The following CRKL variants were observed in gnomAD, a reference collection of about 807,000 sequenced individuals.
The protein encoded by CRKL is CRK like proto-oncogene, adaptor protein, also known as crk-like protein.
A neutral mutation model predicts 23.0 loss-of-function variants in CRKL; 3 were observed. The observed-to-expected ratio is 0.13, with a 90% CI of 0.06 to 0.34. The LOEUF is 0.34. Ranked by LOEUF, CRKL falls within the 10% of genes least tolerant of loss-of-function variation. The pLI is 1.00. For synonymous variants in CRKL, 188 were observed against 160.7 expected (o/e 1.17, Z -1.28); for missense variants, 256 against 394.5 (o/e 0.65, Z 2.97).
chr22:20,952,030 A>T lies in CRKL; in HGVS notation c.*2185A>T. On this transcript the variant is annotated 3_prime_UTR_variant, in exon 3 of 3. Coordinates refer to ENST00000354336, the MANE Select transcript of CRKL (RefSeq NM_005207.4). ...GCAGACATATCACAAGAGTCCCCAG[A>T]CTCTGCCTAGAAACAGTGTTTGCCC... 1 of 225,236 alleles carries T rather than the reference A, an allele frequency of 4.4e-6. No homozygotes were observed. The highest frequency in any genetic ancestry group is 8.8e-6 in the Non-Finnish European group (1 of 113,248). The allele number at this position is 225,236 out of a possible 1,614,324, so 14.0% of individuals were successfully genotyped here.
At chr22:20,923,143 G>A (rs936882135) in intron 1 of CRKL, among the ~76,000 whole-genome samples, 2 of 152,112 alleles carry the variant, frequency 1.3e-5, no homozygotes, top group Non-Finnish European at 2.9e-5. Context: ...AAAAACTAAA[G>A]GAAGTTGGCC....
At chr22:20,929,467 T>A (rs566335478) in intron 1 of CRKL, among the ~76,000 whole-genome samples, 182 of 149,776 alleles carry the variant, frequency 1.2e-3, no homozygotes, top group African/African-American at 4.3e-3. Flanking sequence ...ACCTGCCTTA[T>A]CTATTTAATT....
At chr22:20,942,289 G>A (rs1258642159) in intron 2 of CRKL, among the ~76,000 whole-genome samples, 1 of 152,178 alleles carries the variant, frequency 6.6e-6, no homozygotes, top group Non-Finnish European at 1.5e-5. Context: ...ACTCACACCT[G>A]TAATCCCAGT....
chr22:20,937,213 C>T (rs1055746924), intron 2 of CRKL, among the ~76,000 whole-genome samples: 10 of 152,188 alleles, frequency 6.6e-5, no homozygotes, highest in African/African-American at 2.4e-4. Context: ...TGCCTCTGGC[C>T]TGGTCTATGC....
At chr22:20,935,879 G>A (rs997944346) in intron 2 of CRKL, among the ~76,000 whole-genome samples, 12 of 151,952 alleles carry the variant, frequency 7.9e-5, no homozygotes, top group Non-Finnish European at 1.6e-4. Flanking sequence ...TCTCAGCTGG[G>A]CACAGTGGCT....
intron 1 of CRKL, among the ~76,000 whole-genome samples, chr22:20,920,346 C>A (rs1437835584): frequency 6.6e-6 from 1 of 151,912 alleles, no homozygotes; most frequent in Non-Finnish European, 1.5e-5. Context: ...GCTAAAAATA[C>A]AAAAAATTAG....
chr22:20,928,020 AGTAGTGGGGCCCT>A lies in CRKL; in HGVS notation c.312-5755_312-5743del, dbSNP rs374598357. Among the ~76,000 whole-genome samples, 808 of 151,894 alleles carry A rather than the reference AGTAGTGGGGCCCT, an allele frequency of 5.3e-3. 7 individuals are homozygous for A. Among genetic ancestry groups the A allele is most frequent in the African/African-American group, 0.019 (771 of 41,428 alleles). On this transcript the variant is annotated intron_variant, in intron 1 of 2. Coordinates refer to ENST00000354336, the MANE Select transcript of CRKL (RefSeq NM_005207.4). ...GTTAAAAATACAAAATTAGCCCGGC[AGTAGTGGGGCCCT>A]GTAATCCCAGCTACTGGGGAGGCTT...
intron 2 of CRKL, among the ~76,000 whole-genome samples, chr22:20,948,980 T>TACAC (rs1301332980): frequency 6.6e-6 from 1 of 152,204 alleles, no homozygotes; most frequent in East Asian, 1.9e-4. Context: ...TTTTTTAAAA[T>TACAC]ACACCTTTTT....
chr22:20,952,218 C>T lies in CRKL; in HGVS notation c.*2373C>T. On this transcript the variant is annotated 3_prime_UTR_variant, in exon 3 of 3. Coordinates refer to ENST00000354336, the MANE Select transcript of CRKL (RefSeq NM_005207.4). ...CACCTTTGAATTACAGCAGTTGACT[C>T]AGAGTGCAAGAAGTCTGGCCATTTT... 4.3e-6 allele frequency: 1 copy of T among 230,344 alleles called. No individual in the cohort carries two copies. The highest frequency in any genetic ancestry group is 8.6e-6 in the Non-Finnish European group (1 of 116,272). 14.3% of individuals were successfully genotyped at this position (230,344 alleles called of 1,614,324 possible).
intron 1 of CRKL, among the ~76,000 whole-genome samples, chr22:20,928,664 T>G (rs1471694517): frequency 2.0e-5 from 3 of 150,782 alleles, no homozygotes; most frequent in Admixed American, 2.0e-4. Context: ...AATACAAAAA[T>G]TAATCGGATG....
intron 1 of CRKL, among the ~76,000 whole-genome samples, chr22:20,921,829 C>T (rs1165203287): frequency 6.6e-6 from 1 of 151,868 alleles, no homozygotes; most frequent in Non-Finnish European, 1.5e-5. Context: ...CTGCCTCAGC[C>T]TCCCGAGTAG....
In CRKL at chr22:20,933,789, C is replaced by G. The variant is rs755863490; in HGVS notation, c.322C>G (p.Pro108Ala). The change falls in exon 2 of 3, where the codon CCA becomes GCA. Residue 108 changes from proline to alanine, a missense_variant. Pro to Ala is a conservative substitution (Grantham distance 27). Around this residue, in one of 3 missense-constraint regions of CRKL, gnomAD observed 42 missense variants for 32.7 expected, o/e 1.29. Coordinates refer to ENST00000354336, the MANE Select transcript of CRKL (RefSeq NM_005207.4). ...TCTTTCTCTCTTAAGGTATCCAAGCCCACCAATGGGATCTGTCTCAGCACC... is the reference window on the plus strand; with the variant it reads ...TCTTTCTCTCTTAAGGTATCCAAGCGCACCAATGGGATCTGTCTCAGCACC... Reference protein sequence around the residue: ...LIEPAPRYPSPPMGSVSAPNL... With the variant: ...LIEPAPRYPSAPMGSVSAPNL... 6.2e-7 allele frequency: 1 copy of G among 1,611,312 alleles called. No individual in the cohort carries two copies. Among genetic ancestry groups the G allele is most frequent in the South Asian group, 1.1e-5 (1 of 90,906 alleles).
intron 2 of CRKL, among the ~76,000 whole-genome samples, chr22:20,936,351 GT>G (rs991402170): frequency 1.3e-5 from 2 of 151,864 alleles, no homozygotes; most frequent in Admixed American, 6.6e-5. Flanking sequence ...TTTTGTTTTT[GT>G]TTTGTTTTGT....
In CRKL at chr22:20,950,410, GTTTGT is replaced by G. The variant is rs567863750; in HGVS notation, c.*579_*583del. ...TGGGGGTTTTTTTTTGTTTTGTTTT[GTTTGT>G]TTTGTTTTGTTTTTTTGAGACGGTG... On this transcript the variant is annotated 3_prime_UTR_variant, in exon 3 of 3. Coordinates refer to ENST00000354336, the MANE Select transcript of CRKL (RefSeq NM_005207.4). The G allele has an allele frequency of 4.4e-5, 10 of 229,092 alleles. No individual in the cohort carries two copies. In the South Asian group the frequency reaches 1.1e-3, roughly 26 times the overall value. The allele number at this position is 229,092 out of a possible 1,614,324, so 14.2% of individuals were successfully genotyped here.
At chr22:20,931,378 C>T (rs1346504389) in intron 1 of CRKL, among the ~76,000 whole-genome samples, 4 of 152,050 alleles carry the variant, frequency 2.6e-5, no homozygotes, top group African/African-American at 9.7e-5. Context: ...CTCTGCACTC[C>T]AGCCAGGATG....
chr22:20,940,771 TTTGAA>T (rs1472526900), intron 2 of CRKL, among the ~76,000 whole-genome samples: 1 of 152,116 alleles, frequency 6.6e-6, no homozygotes, highest in Non-Finnish European at 1.5e-5. Flanking sequence ...CTCTGTGTCT[TTTGAA>T]TTGGCCTTCC....
chr22:20,927,842 C>CAGAA (rs1921284309), intron 1 of CRKL, among the ~76,000 whole-genome samples: 1 of 56,240 alleles, frequency 1.8e-5, no homozygotes, highest in Admixed American at 2.4e-4. Flanking sequence ...GACTCTGTCT[C>CAGAA]AAAAAAAAAA....
At chr22:20,920,426 C>T (rs1010636176) in intron 1 of CRKL, among the ~76,000 whole-genome samples, 6 of 151,666 alleles carry the variant, frequency 4.0e-5, no homozygotes, top group East Asian at 3.9e-4. Context: ...CGCTCGAACC[C>T]GGGAGGCGGA....
rs1922360320 is a variant in CRKL, at chr22:20,953,675, A to G, written c.*3830A>G. 1 of 196,690 alleles carries G rather than the reference A, an allele frequency of 5.1e-6. No homozygotes were observed. The highest frequency in any genetic ancestry group is 1.9e-4 in the South Asian group (1 of 5,204). The allele number at this position is 196,690 out of a possible 1,614,324, so 12.2% of individuals were successfully genotyped here. A position where few individuals can be genotyped will look rare whatever the true frequency, so the allele number is the denominator to read the frequency against. On this transcript the variant is annotated 3_prime_UTR_variant, in exon 3 of 3. Coordinates refer to ENST00000354336, the MANE Select transcript of CRKL (RefSeq NM_005207.4). ...TCCGTTTTACGTTACTGGTCCCAGCATCAAAACCCTTGTTTCCATGGCCTG... is the reference window on the plus strand; with the variant it reads ...TCCGTTTTACGTTACTGGTCCCAGCGTCAAAACCCTTGTTTCCATGGCCTG...
Sources: allele counts gnomAD v4.1 joint callset (sites outside exome capture counted in the v4.1 genomes callset), GRCh38; gene constraint gnomAD v4.1.1; regional missense constraint gnomAD v4.1.1; transcripts MANE v1.5; gene names NCBI Gene and HGNC (gene_info 2026-07-23, HGNC 2026-07-21).